Variants in XPO1 observed in about 807,000 individuals in gnomAD.
XPO1 encodes the protein exportin 1.
A neutral mutation model predicts 133.3 loss-of-function variants in XPO1; 5 were observed. The observed-to-expected ratio is 0.04, with a 90% CI of 0.02 to 0.08. The LOEUF (loss-of-function observed/expected upper bound fraction) is 0.08, where lower values mean the gene tolerates loss of function less well. XPO1 is among the 10% of genes least tolerant of loss of function. The pLI is 1.00. For synonymous variants in XPO1, 419 were observed against 408.2 expected (o/e 1.03, Z -0.32); for missense variants, 506 against 1,267.5 (o/e 0.40, Z 9.12).
At chr2:61,509,453 CCT>C (rs1042651548) in intron 4 of XPO1, among the ~76,000 whole-genome samples, 5 of 152,074 alleles carry the variant, frequency 3.3e-5, no homozygotes, top group East Asian at 1.9e-4. Flanking sequence ...ATGAAGAAAC[CCT>C]GTCTCTACTA....
chr2:61,522,419 CA>C (rs950443648), intron 4 of XPO1, among the ~76,000 whole-genome samples, 191 bp downstream of exon 4: 4 of 152,096 alleles, frequency 2.6e-5, no homozygotes, highest in Admixed American at 6.6e-5. Context: ...CTCTTTCTCC[CA>C]AAAGATAACC....
intron 4 of XPO1, among the ~76,000 whole-genome samples, chr2:61,505,450 G>A (rs1697754667): frequency 6.7e-6 from 1 of 149,046 alleles, no homozygotes; most frequent in Non-Finnish European, 1.5e-5. Context: ...GGAGTGCAGT[G>A]GTGTGATCTA....
At chr2:61,520,412 C>A (rs1698632092) in intron 4 of XPO1, among the ~76,000 whole-genome samples, 1 of 151,826 alleles carries the variant, frequency 6.6e-6, no homozygotes, top group African/African-American at 2.4e-5. Context: ...TCTGGCAGGC[C>A]AAGGTGGGAG....
chr2:61,520,739 A>ATT (rs1698651599), intron 4 of XPO1, among the ~76,000 whole-genome samples: 1 of 152,250 alleles, frequency 6.6e-6, no homozygotes, highest in Non-Finnish European at 1.5e-5. Flanking sequence ...AATCATATCT[A>ATT]TTTTCAACCT....
intron 4 of XPO1, among the ~76,000 whole-genome samples, chr2:61,511,169 G>A (rs1318446002): frequency 6.6e-6 from 1 of 152,124 alleles, no homozygotes; most frequent in Non-Finnish European, 1.5e-5. Flanking sequence ...TGTTGCCCAG[G>A]CTGGAATGCA....
In XPO1 at chr2:61,492,061, T is replaced by C. The variant is rs749825563; in HGVS notation, c.1861A>G (p.Ile621Val). Reference sequence around the variant, plus strand: ...TGTTGAGGCTGAAGATCACAAATAATAGTGTTAATGTTGTTCAAAATTTCA... The same window carrying C: ...TGTTGAGGCTGAAGATCACAAATAACAGTGTTAATGTTGTTCAAAATTTCA... ...IDEILNNINT[I>V]ICDLQPQQVH... is the part of the protein sequence containing the mutation. The change falls in exon 16 of 25, where the codon ATT (isoleucine) becomes GTT (valine). Residue 621 changes from isoleucine (I) to valine (V), a missense_variant. Around this residue, in one of 6 missense-constraint regions of XPO1, gnomAD observed 60 missense variants for 211.0 expected, o/e 0.28. Coordinates refer to ENST00000401558, the MANE Select transcript of XPO1 (RefSeq NM_003400.4). The surrounding 1 kb of genome is among the most constrained non-coding windows in gnomAD (Gnocchi z 5.6). The C allele has an allele frequency of 3.8e-5, 61 of 1,614,064 alleles. No homozygotes were observed. The highest frequency in any genetic ancestry group is 1.0e-5 in the Non-Finnish European group (12 of 1,180,038).
intron 17 of XPO1, among the ~76,000 whole-genome samples, chr2:61,489,150 A>C (rs1696841501): frequency 6.6e-6 from 1 of 151,352 alleles, no homozygotes; most frequent in African/African-American, 2.4e-5. Context: ...GAGGTGGCTC[A>C]CACCTATAAT....
At chr2:61,515,543 T>C (rs1698331147) in intron 4 of XPO1, among the ~76,000 whole-genome samples, 1 of 152,204 alleles carries the variant, frequency 6.6e-6, no homozygotes, top group African/African-American at 2.4e-5. Flanking sequence ...AACCCACTAC[T>C]TACTCATACT....
intron 4 of XPO1, among the ~76,000 whole-genome samples, chr2:61,510,038 G>A (rs1323691537): frequency 6.6e-6 from 1 of 152,150 alleles, no homozygotes; most frequent in East Asian, 1.9e-4. Context: ...CTAGCGCTGT[G>A]GGAGGCCGAG....
chr2:61,527,764 G>A (rs535484194), intron 2 of XPO1, among the ~76,000 whole-genome samples: 35 of 152,026 alleles, frequency 2.3e-4, no homozygotes, highest in Admixed American at 9.2e-4. Context: ...AACTATTTCC[G>A]TTTTTATTTT....
intron 1 of XPO1, 190 bp from the exon 2 acceptor site, chr2:61,534,093 T>TTATGTAATTATCAA: frequency 3.9e-6 from 2 of 512,328 alleles, no homozygotes; most frequent in Non-Finnish European, 6.3e-6. Context: ...ATTTGATAAT[T>TTATGTAATTATCAA]ACATAAATTA....
intron 19 of XPO1, among the ~76,000 whole-genome samples, chr2:61,487,738 GA>G (rs1696768032): frequency 2.0e-5 from 3 of 152,144 alleles, no homozygotes; most frequent in Non-Finnish European, 4.4e-5. Flanking sequence ...AATCATTTAG[GA>G]AAAAGGGTGT....
In XPO1 at chr2:61,488,457, T is replaced by C. The variant is rs539504888; in HGVS notation, c.2206+131A>G. The C allele has an allele frequency of 2.5e-5, 29 of 1,158,168 alleles. No individual in the cohort carries two copies. The South Asian group carries it at 3.6e-4, about 15-fold the overall frequency. The allele number at this position is 1,158,168 out of a possible 1,614,324, so 71.7% of individuals were successfully genotyped here. A position where few individuals can be genotyped will look rare whatever the true frequency, so the allele number is the denominator to read the frequency against. ...GAAAGGTACACTTAACTGTTTTAAA[T>C]ATGTCTAGGGTCATTTGGGAAATGG... On this transcript the variant is annotated intron_variant, in intron 18 of 24. Coordinates refer to ENST00000401558, the MANE Select transcript of XPO1 (RefSeq NM_003400.4).
At position 61,492,919 on chromosome 2, in the gene XPO1, T is replaced by C; in HGVS notation, c.1380A>G (p.Thr460=). Residue 460 remains threonine, a synonymous_variant, in exon 13 of 25, where the codon ACA becomes ACG. Transcript: ENST00000401558. The surrounding 1 kb of genome is among the most constrained non-coding windows in gnomAD (Gnocchi z 5.6). ...TAACAGTATTTATTAACTTACCCAATGTTTCCCTCATATTCTTATACAAAT... is the reference window on the plus strand; with the variant it reads ...TAACAGTATTTATTAACTTACCCAACGTTTCCCTCATATTCTTATACAAAT... ...SINLYKNMRE[T]LVYLTHLDYV... 1.9e-6 allele frequency: 3 copies of C among 1,597,722 alleles called. No homozygotes were observed. The highest frequency in any genetic ancestry group is 2.2e-5 in the East Asian group (1 of 44,798).
At chr2:61,500,698 C>CTCAGTT (rs1259911223) in intron 6 of XPO1, among the ~76,000 whole-genome samples, 2 of 151,672 alleles carry the variant, frequency 1.3e-5, no homozygotes, top group Non-Finnish European at 2.9e-5. Context: ...ACTGGGGAGG[C>CTCAGTT]CAAGGCAGGA....
At chr2:61,510,172 G>C (rs919538879) in intron 4 of XPO1, among the ~76,000 whole-genome samples, 1 of 152,124 alleles carries the variant, frequency 6.6e-6, no homozygotes, top group African/African-American at 2.4e-5. Context: ...AGCTACTCTG[G>C]AGGCTGAGGC....
At chr2:61,489,909 T>G (rs1239858717) in intron 17 of XPO1, among the ~76,000 whole-genome samples, 33 of 149,350 alleles carry the variant, frequency 2.2e-4, no homozygotes, top group African/African-American at 8.2e-4. Flanking sequence ...TTTTTTTTTT[T>G]GAGACAGAGT....
chr2:61,478,604 A>G lies in XPO1; in HGVS notation c.*216T>C, dbSNP rs571564423. 33 of 503,326 alleles carry G rather than the reference A, an allele frequency of 6.6e-5. No individual in the cohort carries two copies. In the South Asian group the frequency reaches 1.6e-3, roughly 24 times the overall value. The allele number at this position is 503,326 out of a possible 1,614,324, so 31.2% of individuals were successfully genotyped here. ...ATTTTTAAAAATGCCTTAATTTTCA[A>G]CTTCATGCAAACTAAATAAAGATGA... On this transcript the variant is annotated 3_prime_UTR_variant, in exon 25 of 25. Coordinates refer to ENST00000401558, the MANE Select transcript of XPO1 (RefSeq NM_003400.4).
intron 4 of XPO1, among the ~76,000 whole-genome samples, chr2:61,518,019 A>G (rs1698479845): frequency 1.3e-5 from 2 of 151,966 alleles, no homozygotes; most frequent in Non-Finnish European, 2.9e-5. Context: ...AATCCCAGCT[A>G]CTTGGGAGAC....
Sources: allele counts gnomAD v4.1 joint callset (sites outside exome capture counted in the v4.1 genomes callset), GRCh38; gene constraint gnomAD v4.1.1; regional missense constraint gnomAD v4.1.1; non-coding constraint Gnocchi (gnomAD v3.1); transcripts MANE v1.5; gene names NCBI Gene and HGNC (gene_info 2026-07-23, HGNC 2026-07-21).